Variants in VSTM1 observed in about 807,000 individuals in gnomAD.
The protein encoded by VSTM1 is V-set and transmembrane domain-containing protein 1.
In VSTM1, 27 loss-of-function variants were observed where a neutral mutation model predicts 33.1. The observed-to-expected ratio is 0.82, with a 90% CI of 0.60 to 1.12. The LOEUF is 1.12. Among genes scored for constraint, VSTM1 ranks in the 50% most tolerant of loss-of-function variants. The pLI, the probability that VSTM1 is intolerant of heterozygous loss-of-function variation, is 0.00. For synonymous variants in VSTM1, 115 were observed against 110.3 expected, an observed-to-expected ratio of 1.04 and a Z score of -0.27; for missense variants, 304 against 288.9, an observed-to-expected ratio of 1.05 and a Z score of -0.38.
At position 54,041,830 on chromosome 19, in the gene VSTM1, GA is replaced by G. The variant is rs376484936; in HGVS notation, c.554-15del. 30,698 of 1,155,720 alleles carry G rather than the reference GA, an allele frequency of 0.027. 232 individuals carry two copies. The highest frequency in any genetic ancestry group is 0.03 in the Non-Finnish European group (25,885 of 848,966). 71.6% of individuals were successfully genotyped at this position (1,155,720 alleles called of 1,614,324 possible). Reference sequence around the variant, plus strand: ...ATAAATCTGCCTCTGAGTGAGAAAGGAAAAAAAAAAATCAGTTCTCAGCTGC... The same window carrying G: ...ATAAATCTGCCTCTGAGTGAGAAAGGAAAAAAAAAATCAGTTCTCAGCTGC... On this transcript the variant is annotated splice_polypyrimidine_tract_variant and intron_variant, in intron 7 of 8. Coordinates refer to ENST00000338372, the MANE Select transcript of VSTM1 (RefSeq NM_198481.4).
chr19:54,054,178 T>C (rs1173074218), intron 3 of VSTM1, among the ~76,000 whole-genome samples: 1 of 142,450 alleles, frequency 7.0e-6, no homozygotes, highest in African/African-American at 2.6e-5. Flanking sequence ...AAATTGATAC[T>C]ATAGCCTGTC....
chr19:54,058,467 T>G lies in VSTM1; in HGVS notation c.194A>C (p.Asp65Ala). 2.5e-6 allele frequency: 4 copies of G among 1,613,802 alleles called. No individual in the cohort carries two copies. Among genetic ancestry groups the G allele is most frequent in the Non-Finnish European group, 3.4e-6 (4 of 1,179,974 alleles). ...NVTFVLRKVNDSGYKQEQSSA... is the reference protein window; with the variant it reads ...NVTFVLRKVNASGYKQEQSSA... ...GCTCTGTTCCTGCTTGTACCCAGAGTCGTTCACCTTGCGCAGCACAAATGT... is the reference window on the plus strand; with the variant it reads ...GCTCTGTTCCTGCTTGTACCCAGAGGCGTTCACCTTGCGCAGCACAAATGT... Residue 65 changes from aspartate (D) to alanine (A), a missense_variant, in exon 3 of 9, where the codon GAC becomes GCC. By Grantham distance (126) the Asp-to-Ala change is moderately radical. Transcript: ENST00000338372.
chr19:54,049,735 A>AT (rs1445662025), intron 4 of VSTM1, among the ~76,000 whole-genome samples: 2 of 152,168 alleles, frequency 1.3e-5, no homozygotes, highest in Admixed American at 1.3e-4. Context: ...CTATCATGGA[A>AT]TAAAAACGTT....
intron 1 of VSTM1, 80 bp downstream of exon 1, chr19:54,063,664 G>T: frequency 6.4e-7 from 1 of 1,552,044 alleles, no homozygotes; most frequent in Non-Finnish European, 8.9e-7. Flanking sequence ...TCCACACACC[G>T]CATTTCCACC....
intron 3 of VSTM1, among the ~76,000 whole-genome samples, chr19:54,057,439 T>C (rs1379523467): frequency 6.7e-6 from 1 of 150,326 alleles, no homozygotes; most frequent in Admixed American, 6.7e-5. Context: ...CGCTTGAGCC[T>C]GGGAGGTCGA....
In VSTM1 at chr19:54,042,297, A is replaced by G; in HGVS notation, c.467T>C (p.Ile156Thr). The G allele has an allele frequency of 6.2e-7, 1 of 1,613,954 alleles. No homozygotes were observed. Among genetic ancestry groups the G allele is most frequent in the Non-Finnish European group, 8.5e-7 (1 of 1,179,992 alleles). ...ILLLFLSVFI[I>T]YRCSQHSSSS... ...CTCACTGTGCTGGCTGCATCTGTAG[A>G]TGATGAAGACTGAGAGGAAGAGGAG... The change falls in exon 5 of 9, where the codon ATC (isoleucine) becomes ACC (threonine). Residue 156 changes from isoleucine (I) to threonine (T), a missense_variant. Transcript: ENST00000338372.
chr19:54,048,812 A>G (rs1186399184), intron 4 of VSTM1, among the ~76,000 whole-genome samples: 3 of 152,162 alleles, frequency 2.0e-5, no homozygotes, highest in African/African-American at 7.2e-5. Context: ...GGCCAGGCAC[A>G]GTAGCTCAAG....
chr19:54,054,240 A>C (rs1246905427), intron 3 of VSTM1, among the ~76,000 whole-genome samples: 1 of 142,360 alleles, frequency 7.0e-6, no homozygotes, highest in Non-Finnish European at 1.5e-5. Context: ...AGGAAACAGT[A>C]GATGATATGC....
chr19:54,041,007 G>GTGGT lies in VSTM1; in HGVS notation c.661_664dup (p.Thr222AsnfsTer10). The GTGGT allele has an allele frequency of 6.2e-7, 1 of 1,610,510 alleles. No individual in the cohort carries two copies. The highest frequency in any genetic ancestry group is 8.5e-7 in the Non-Finnish European group (1 of 1,178,910). On this transcript the variant is annotated frameshift_variant, in exon 9 of 9. Transcript: ENST00000338372. LOFTEE classifies it high-confidence loss of function. ...TTCATGAGATCCTGGGGGCTCCTGG[G>GTGGT]TGGTGTCTGAAGCTGCCTCAGACAG...
intron 4 of VSTM1, among the ~76,000 whole-genome samples, chr19:54,047,478 G>C (rs777213897): frequency 3.9e-5 from 6 of 152,154 alleles, no homozygotes; most frequent in African/African-American, 1.4e-4. Flanking sequence ...ATTTCTAGTA[G>C]AGATGAGGTT....
In VSTM1 at chr19:54,054,179, A is replaced by G. The variant is rs1325817295; in HGVS notation, c.356-2731T>C. Among the ~76,000 whole-genome samples, 2 of 142,600 alleles carry G rather than the reference A, an allele frequency of 1.4e-5. 1 individual carries two copies. Among genetic ancestry groups the G allele is most frequent in the Non-Finnish European group, 3.1e-5 (2 of 64,616 alleles). The allele number at this position is 142,600 out of a possible 152,430, so 93.6% of individuals were successfully genotyped here. On this transcript the variant is annotated intron_variant, in intron 3 of 8. Coordinates refer to ENST00000338372, the MANE Select transcript of VSTM1 (RefSeq NM_198481.4). ...AAATCAACCACTGGAAATTGATACT[A>G]TAGCCTGTCTTGTGATGTAATGGTA...
chr19:54,062,780 C>T (rs1417680976), intron 1 of VSTM1, among the ~76,000 whole-genome samples: 1 of 151,828 alleles, frequency 6.6e-6, no homozygotes, highest in African/African-American at 2.4e-5. Context: ...GAGCATTACC[C>T]CACAAGGAAG....
chr19:54,049,291 T>C (rs1047775210), intron 4 of VSTM1, among the ~76,000 whole-genome samples: 4 of 152,168 alleles, frequency 2.6e-5, no homozygotes, highest in Middle Eastern at 6.8e-3. Context: ...ATGTCCAGAA[T>C]AGACAAAATC....
intron 1 of VSTM1, among the ~76,000 whole-genome samples, chr19:54,061,265 G>T (rs752176940): frequency 1.3e-5 from 2 of 151,932 alleles, no homozygotes; most frequent in African/African-American, 4.8e-5. Context: ...AGATCTGCCC[G>T]CCTGGGCCTC....
intron 7 of VSTM1, 50 bp from the exon 8 acceptor site, chr19:54,041,866 A>G (rs2146025759): frequency 6.2e-7 from 1 of 1,613,838 alleles, no homozygotes; most frequent in East Asian, 2.2e-5. Context: ...CAGAAGTCAG[A>G]ACTTAGTCTT....
rs760893871 is a variant in VSTM1 at position 54,042,332 on chromosome 19, G to A, written c.432C>T (p.Ile144=). Residue 144 remains isoleucine (I), a synonymous_variant, in exon 5 of 9, where the codon ATC becomes ATT. Coordinates refer to ENST00000338372, the MANE Select transcript of VSTM1 (RefSeq NM_198481.4). ...RTIFVAIFSC[I]SILLLFLSVF... is the part of the protein sequence containing the mutation. ...CTGAGAGGAAGAGGAGAAGGATGGA[G>A]ATGCAGCTGAAGATGGCGACAAAGA... 72 of 1,613,842 alleles carry A rather than the reference G, an allele frequency of 4.5e-5. 2 individuals carry two copies. In the Admixed American group the frequency reaches 6.8e-4, roughly 15 times the overall value.
chr19:54,049,353 G>A (rs1040146193), intron 4 of VSTM1, among the ~76,000 whole-genome samples: 2 of 152,172 alleles, frequency 1.3e-5, no homozygotes, highest in Non-Finnish European at 2.9e-5. Context: ...GGGAAAGTGG[G>A]AAATGAGGAG....
chr19:54,063,184 A>G (rs1195101107), intron 1 of VSTM1, among the ~76,000 whole-genome samples: 1 of 151,896 alleles, frequency 6.6e-6, no homozygotes, highest in African/African-American at 2.4e-5. Flanking sequence ...CTTAAAATAC[A>G]AAAGTCAGCC....
intron 3 of VSTM1, 44 bp downstream of exon 3, chr19:54,058,262 A>G (rs1406262997): frequency 1.7e-5 from 27 of 1,547,078 alleles, no homozygotes; most frequent in Non-Finnish European, 2.3e-5. Flanking sequence ...GCAAAGCCAA[A>G]CCAAAGAAAT....
Sources: allele counts gnomAD v4.1 joint callset (sites outside exome capture counted in the v4.1 genomes callset), GRCh38; gene constraint gnomAD v4.1.1; transcripts MANE v1.5; gene names NCBI Gene and HGNC (gene_info 2026-07-23, HGNC 2026-07-21).